The following GABBR2 variants were observed in gnomAD, a reference collection of about 807,000 sequenced individuals.
GABBR2 encodes the protein gamma-aminobutyric acid type B receptor subunit 2.
GABBR2 carries 23 observed loss-of-function variants against 105.6 expected under a neutral mutation model. The ratio of observed to expected loss-of-function variants is 0.22; its 90% CI spans 0.16 to 0.31. The LOEUF is 0.31. Among genes scored for constraint, GABBR2 ranks in the 10% least tolerant of loss-of-function variants. The pLI, the probability that GABBR2 is intolerant of heterozygous loss-of-function variation, is 1.00. For synonymous variants in GABBR2, 478 were observed against 499.7 expected, an observed-to-expected ratio of 0.96 and a Z score of 0.58; for missense variants, 734 against 1,245.5, an observed-to-expected ratio of 0.59 and a Z score of 6.18.
At chr9:98,665,434 T>C (rs950484664) in intron 1 of GABBR2, among the ~76,000 whole-genome samples, 6 of 152,114 alleles carry the variant, frequency 3.9e-5, no homozygotes, top group Non-Finnish European at 5.9e-5. Flanking sequence ...ATTTACTGAT[T>C]GACACAGAAA....
Position 98,293,828 on chromosome 9 carries a change from G to T in GABBR2, c.2617C>A (p.Arg873=), listed in dbSNP as rs1249423869. 6.2e-7 allele frequency: 1 copy of T among 1,610,680 alleles called. No individual in the cohort carries two copies. The highest frequency in any genetic ancestry group is 1.7e-5 in the Admixed American group (1 of 60,016). ...QLQWNTTEPS[R]TCKDPIEDIN... ...TCTTCTATAGGATCTTTGCATGTTC[G>T]AGAGGGCTCTGTTGTGTTCCACTGT... Residue 873 remains arginine (R), a synonymous_variant, in exon 18 of 19, where the codon CGA becomes AGA. Transcript: ENST00000259455.
rs1239273461 is a variant in GABBR2, at chr9:98,303,274, T to C, written c.2379A>G (p.Ser793=). 2.5e-6 allele frequency: 4 copies of C among 1,614,128 alleles called. No individual in the cohort carries two copies. The highest frequency in any genetic ancestry group is 3.4e-6 in the Non-Finnish European group (4 of 1,180,052). The change falls in exon 16 of 19, where the codon TCA becomes TCG. Residue 793 remains serine (S), a synonymous_variant. Coordinates refer to ENST00000259455, the MANE Select transcript of GABBR2 (RefSeq NM_005458.8). ...TCTTCATTCGCAGGCGATGGTTTTC[T>C]GACTGTAGGCCCTCCAGGCGGGATG... The part of the protein sequence containing the change: ...ASTSRLEGLQ[S]ENHRLRMKIT...
intron 3 of GABBR2, among the ~76,000 whole-genome samples, chr9:98,509,500 G>T (rs1373831480): frequency 6.6e-6 from 1 of 152,084 alleles, no homozygotes; most frequent in Non-Finnish European, 1.5e-5. Context: ...CGAACCAATG[G>T]CAAAGAAGTT....
At position 98,371,385 on chromosome 9, in the gene GABBR2, C is replaced by A. The variant is rs1588126681; in HGVS notation, c.1770+79G>T. ...TGGATCCCCAGCAAATAGCTCAGTG[C>A]CTGGAATATAGTATATACTTGCTAG... is the stretch of plus-strand genomic sequence containing the variant. On this transcript the variant is annotated intron_variant, in intron 12 of 18. Coordinates refer to ENST00000259455, the MANE Select transcript of GABBR2 (RefSeq NM_005458.8). 3 of 783,140 alleles carry A rather than the reference C, an allele frequency of 3.8e-6. No individual in the cohort carries two copies. In the South Asian group the frequency reaches 4.6e-5, roughly 12 times the overall value. 48.5% of individuals were successfully genotyped at this position (783,140 alleles called of 1,614,324 possible).
At chr9:98,586,427 G>A (rs1198741690) in intron 1 of GABBR2, among the ~76,000 whole-genome samples, 1 of 151,900 alleles carries the variant, frequency 6.6e-6, no homozygotes, top group Non-Finnish European at 1.5e-5. Context: ...AACCTCTTGA[G>A]TAGATGGGAT....
chr9:98,707,687 C>A (rs559643963), intron 1 of GABBR2, among the ~76,000 whole-genome samples: 7 of 152,374 alleles, frequency 4.6e-5, no homozygotes, highest in Admixed American at 4.6e-4. Context: ...CGGCCAACAG[C>A]AGCGGCGCGG....
chr9:98,345,255 G>C (rs912257526), intron 13 of GABBR2, among the ~76,000 whole-genome samples: 3 of 152,114 alleles, frequency 2.0e-5, no homozygotes, highest in Non-Finnish European at 4.4e-5. Context: ...CCCTCCATCT[G>C]TTCTCACCGT....
At chr9:98,661,007 G>C (rs2131853087) in intron 1 of GABBR2, among the ~76,000 whole-genome samples, 1 of 152,270 alleles carries the variant, frequency 6.6e-6, no homozygotes, top group East Asian at 1.9e-4. Flanking sequence ...CTGGGTTCAA[G>C]CAATTCTCCT....
chr9:98,437,783 C>T (rs1253503300), intron 7 of GABBR2, among the ~76,000 whole-genome samples: 1 of 151,240 alleles, frequency 6.6e-6, no homozygotes, highest in African/African-American at 2.4e-5. Flanking sequence ...TCCATCCATG[C>T]ACCTATAGCT....
intron 3 of GABBR2, among the ~76,000 whole-genome samples, chr9:98,534,970 C>T (rs1828141240): frequency 6.6e-6 from 1 of 152,192 alleles, no homozygotes; most frequent in South Asian, 2.1e-4. Flanking sequence ...AAATGAGAAG[C>T]CACCAAGATA....
intron 6 of GABBR2, among the ~76,000 whole-genome samples, chr9:98,464,005 C>T (rs1483616902): frequency 6.6e-6 from 1 of 152,362 alleles, no homozygotes; most frequent in African/African-American, 2.4e-5. Context: ...TCCCAGCCAC[C>T]TGCCTTGGCC....
chr9:98,508,629 C>T lies in GABBR2; in HGVS notation c.631-12115G>A, dbSNP rs533084939. On this transcript the variant is annotated intron_variant, in intron 3 of 18. Transcript: ENST00000259455. ...CCAGGAGATTATATCCCGCGCATGG[C>T]TCGGAGGGTCCTACGCCCATGAAGT... Among the ~76,000 whole-genome samples the T allele has an allele frequency of 3.9e-5, 6 of 152,368 alleles. No individual in the cohort carries two copies. The South Asian group carries it at 1.2e-3, about 32-fold the overall frequency.
At chr9:98,351,132 G>A (rs10125047) in intron 13 of GABBR2, among the ~76,000 whole-genome samples, 11,716 of 151,470 alleles carry the variant, frequency 0.077, 572 homozygotes, top group African/African-American at 0.13. Flanking sequence ...ATCTTTTTCA[G>A]GAAAAGTGAG....
intron 13 of GABBR2, among the ~76,000 whole-genome samples, chr9:98,350,801 C>T (rs1831386053): frequency 6.6e-6 from 1 of 152,138 alleles, no homozygotes; most frequent in South Asian, 2.1e-4. Context: ...TGTTGAGTTT[C>T]TGTCTAGATT....
At chr9:98,625,875 G>A (rs2131824937) in intron 1 of GABBR2, among the ~76,000 whole-genome samples, 1 of 152,292 alleles carries the variant, frequency 6.6e-6, no homozygotes, top group South Asian at 2.1e-4. Flanking sequence ...ACTCAGGGAG[G>A]CGAAGGGAGC....
chr9:98,463,590 C>CCTCTCGCTCTCCGTCTTGCTCTCG (rs1554708494), intron 6 of GABBR2, among the ~76,000 whole-genome samples: 1 of 146,416 alleles, frequency 6.8e-6, no homozygotes, highest in African/African-American at 2.5e-5. Context: ...TCTCCCTCGC[C>CCTCTCGCTCTCCGTCTTGCTCTCG]CTCTCGCTCT....
intron 11 of GABBR2, among the ~76,000 whole-genome samples, chr9:98,382,561 C>T (rs371303850): frequency 2.5e-4 from 38 of 152,222 alleles, no homozygotes; most frequent in East Asian, 7.7e-4. Flanking sequence ...GTGATCTACC[C>T]GCCTCGGCCT....
intron 1 of GABBR2, among the ~76,000 whole-genome samples, chr9:98,625,318 C>T (rs984215036): frequency 1.3e-5 from 2 of 152,210 alleles, no homozygotes; most frequent in Non-Finnish European, 1.5e-5. Flanking sequence ...GCTCAGGGCT[C>T]AGGACCATCC....
intron 16 of GABBR2, among the ~76,000 whole-genome samples, chr9:98,300,687 T>C (rs1333369973): frequency 6.6e-6 from 1 of 152,208 alleles, no homozygotes; most frequent in African/African-American, 2.4e-5. Context: ...GCGGGCCTCA[T>C]GAAACAGAAT....
Sources: gnomAD v4.1 joint callset for allele counts (sites outside exome capture counted in the v4.1 genomes callset) on GRCh38, gnomAD v4.1.1 for gene constraint, MANE v1.5 for transcripts, NCBI Gene and HGNC (gene_info 2026-07-23, HGNC 2026-07-21) for gene names.